TMEM117: variants seen among roughly 807,000 people sequenced by gnomAD.
The protein encoded by TMEM117 is transmembrane protein 117.
Under a neutral mutation model 52.4 loss-of-function variants are expected in TMEM117, and 27 were observed. The observed-to-expected ratio is 0.51, with a 90% CI of 0.38 to 0.71. The LOEUF (loss-of-function observed/expected upper bound fraction) is 0.71. Among genes scored for constraint, TMEM117 ranks in the 30% least tolerant of loss-of-function variants. The probability of loss-of-function intolerance (pLI) is 0.00; values close to 1 mark genes in which losing one functional copy is unlikely to be tolerated. For missense variants in TMEM117, 556 were observed against 630.5 expected (o/e 0.88, Z 1.26); for synonymous variants, 215 against 206.3 (o/e 1.04, Z -0.36).
At chr12:44,125,957 T>C (rs938474723) in intron 3 of TMEM117, among the ~76,000 whole-genome samples, 4 of 152,216 alleles carry the variant, frequency 2.6e-5, no homozygotes, top group African/African-American at 9.7e-5. Flanking sequence ...ATTTGTAGCT[T>C]AATTTCATTA....
At chr12:44,093,814 A>G (rs1947713102) in intron 3 of TMEM117, among the ~76,000 whole-genome samples, 1 of 143,878 alleles carries the variant, frequency 7.0e-6, no homozygotes, top group Non-Finnish European at 1.5e-5. Flanking sequence ...CTGGATGACC[A>G]CTAAAGATTT....
At chr12:44,318,795 A>G (rs1003842675) in intron 6 of TMEM117, among the ~76,000 whole-genome samples, 13 of 151,932 alleles carry the variant, frequency 8.6e-5, no homozygotes, top group African/African-American at 2.9e-4. Context: ...CTGCACCACA[A>G]TCTAGGCACA....
chr12:44,187,170 A>G (rs923989708), intron 4 of TMEM117, among the ~76,000 whole-genome samples: 1 of 152,080 alleles, frequency 6.6e-6, no homozygotes, highest in Non-Finnish European at 1.5e-5. Flanking sequence ...GTGCTTTTTC[A>G]TTATATCCAG....
the TMEM117 span, among the ~76,000 whole-genome samples, chr12:43,820,501 C>T: frequency 9.9e-5 from 15 of 151,862 alleles, no homozygotes; most frequent in Admixed American, 2.6e-4. Flanking sequence ...TCTCGATCTC[C>T]TGACCTCGTG....
At chr12:44,336,490 T>C (rs550525098) in intron 6 of TMEM117, among the ~76,000 whole-genome samples, 86 of 152,134 alleles carry the variant, frequency 5.7e-4, no homozygotes, top group African/African-American at 1.9e-3. Context: ...TCCAACCCTT[T>C]ACTATAGAAG....
At chr12:43,819,405 T>C in the TMEM117 span, among the ~76,000 whole-genome samples, 1 of 152,202 alleles carries the variant, frequency 6.6e-6, no homozygotes, top group Non-Finnish European at 1.5e-5. Flanking sequence ...CATTTCCCCT[T>C]ATGGTATTTC....
chr12:44,186,226 G>A (rs1287520594), intron 4 of TMEM117, among the ~76,000 whole-genome samples: 5 of 152,132 alleles, frequency 3.3e-5, no homozygotes, highest in Admixed American at 6.6e-5. Context: ...ATTACTGGAA[G>A]CCCTTCCAGG....
At chr12:43,805,960 C>T in the TMEM117 span, 1 of 1,543,856 alleles carries the variant, frequency 6.5e-7, no homozygotes, top group African/African-American at 1.4e-5. Flanking sequence ...ACCAGGCCGC[C>T]TCGAAAGCCA....
chr12:43,818,648 T>C, the TMEM117 span, among the ~76,000 whole-genome samples: 3 of 152,112 alleles, frequency 2.0e-5, no homozygotes, highest in Non-Finnish European at 4.4e-5. Flanking sequence ...ACCATGTTGG[T>C]TGGCCAGGAT....
At chr12:44,044,724 T>C (rs191560515) in intron 3 of TMEM117, among the ~76,000 whole-genome samples, 1 of 152,256 alleles carries the variant, frequency 6.6e-6, no homozygotes, top group East Asian at 1.9e-4. Flanking sequence ...CAACTGAAAG[T>C]GGACAGCTGC....
At chr12:44,315,539 T>C (rs573412384) in intron 6 of TMEM117, among the ~76,000 whole-genome samples, 2 of 152,228 alleles carry the variant, frequency 1.3e-5, no homozygotes, top group Non-Finnish European at 2.9e-5. Flanking sequence ...GTAGTTTAAT[T>C]TCCAAGTAAT....
intron 4 of TMEM117, among the ~76,000 whole-genome samples, chr12:44,149,843 G>A (rs80085723): frequency 0.049 from 7,505 of 152,172 alleles, 614 homozygotes; most frequent in African/African-American, 0.17. Flanking sequence ...ATTTGATTTA[G>A]CACTTGAAAT....
At position 44,299,580 on chromosome 12, in the gene TMEM117, G is replaced by A; in HGVS notation, c.609G>A (p.Trp203Ter). The A allele has an allele frequency of 6.2e-7, 1 of 1,614,056 alleles. No homozygotes were observed. Among genetic ancestry groups the A allele is most frequent in the Non-Finnish European group, 8.5e-7 (1 of 1,179,968 alleles). ...TTAATGAGTGTCTTGTTCCTTACAGGACAGTTCTTTTTACTCTGACGTCTG... is the reference window on the plus strand; with the variant it reads ...TTAATGAGTGTCTTGTTCCTTACAGAACAGTTCTTTTTACTCTGACGTCTG... ...KKGNVRITLF[W>*]TVLFTLTSVV... The change falls in exon 6 of 8, where the codon TGG (tryptophan) becomes TGA (stop). Residue 203 changes from tryptophan to a stop codon, truncating the protein, a stop_gained and splice_region_variant. Transcript: ENST00000266534. LOFTEE classifies it high-confidence loss of function.
intron 4 of TMEM117, among the ~76,000 whole-genome samples, chr12:44,201,062 A>G (rs1320875511): frequency 6.6e-6 from 1 of 152,170 alleles, no homozygotes; most frequent in Non-Finnish European, 1.5e-5. Context: ...GAAAATGATG[A>G]CCAAACATAT....
intron 3 of TMEM117, among the ~76,000 whole-genome samples, chr12:44,045,407 A>G (rs1166850248): frequency 1.3e-5 from 2 of 152,204 alleles, no homozygotes; most frequent in Admixed American, 6.5e-5. Context: ...GCTAGAATAG[A>G]CATTTACTCC....
intron 2 of TMEM117, among the ~76,000 whole-genome samples, chr12:43,886,049 A>G (rs1943988453): frequency 6.6e-6 from 1 of 152,238 alleles, no homozygotes; most frequent in Non-Finnish European, 1.5e-5. Context: ...CTTGTGTATC[A>G]TATTATATAT....
intron 6 of TMEM117, among the ~76,000 whole-genome samples, chr12:44,330,254 A>T (rs1292694704): frequency 2.6e-5 from 4 of 151,668 alleles, no homozygotes; most frequent in East Asian, 1.9e-4. Context: ...AACCTTTTTT[A>T]AAAAAGTTAA....
intron 3 of TMEM117, among the ~76,000 whole-genome samples, chr12:44,076,567 G>C (rs1457090027): frequency 2.0e-5 from 3 of 152,178 alleles, no homozygotes; most frequent in Non-Finnish European, 2.9e-5. Context: ...TAGCATGTAA[G>C]TGAGATATTC....
At chr12:44,054,517 A>G (rs961017445) in intron 3 of TMEM117, among the ~76,000 whole-genome samples, 2 of 152,200 alleles carry the variant, frequency 1.3e-5, no homozygotes, top group Non-Finnish European at 2.9e-5. Flanking sequence ...TAAAACCCAC[A>G]TGGCACATTT....
Sources: gnomAD v4.1 joint callset for allele counts (sites outside exome capture counted in the v4.1 genomes callset) on GRCh38, gnomAD v4.1.1 for gene constraint, MANE v1.5 for transcripts, NCBI Gene and HGNC (gene_info 2026-07-23, HGNC 2026-07-21) for gene names.